SEC14L1: variants seen among roughly 807,000 people sequenced by gnomAD.
The protein encoded by SEC14L1 is SEC14-like protein 1.
In SEC14L1, 48 loss-of-function variants were observed where a neutral mutation model predicts 85.3. That is an observed-to-expected ratio of 0.56 (90% CI 0.45 to 0.72). The LOEUF (loss-of-function observed/expected upper bound fraction) is 0.72, where lower values mean the gene tolerates loss of function less well. SEC14L1 is among the 30% of genes least tolerant of loss of function. SEC14L1 has a pLI of 0.00. For synonymous variants in SEC14L1, 391 were observed against 355.5 expected, an observed-to-expected ratio of 1.10 and a Z score of -1.12; for missense variants, 682 against 921.4, an observed-to-expected ratio of 0.74 and a Z score of 3.36.
intron 3 of SEC14L1, among the ~76,000 whole-genome samples, chr17:77,161,225 G>A (rs780066031): frequency 6.6e-6 from 1 of 152,220 alleles, no homozygotes; most frequent in Admixed American, 6.5e-5. Context: ...GGTGGCTCAC[G>A]CCTATAATCC....
At chr17:77,164,302 T>A (rs1974195554) in intron 3 of SEC14L1, among the ~76,000 whole-genome samples, 2 of 152,224 alleles carry the variant, frequency 1.3e-5, no homozygotes, top group South Asian at 4.1e-4. Context: ...TTGCAGTCTT[T>A]GCTTTAAAAG....
At chr17:77,129,481 G>C (rs1001451150) in intron 3 of SEC14L1, among the ~76,000 whole-genome samples, 1 of 152,146 alleles carries the variant, frequency 6.6e-6, no homozygotes, top group Admixed American at 6.5e-5. Context: ...ACCTTCCCGG[G>C]CAGGGCTGTA....
intron 3 of SEC14L1, among the ~76,000 whole-genome samples, chr17:77,097,060 G>A (rs114548493): frequency 1.2e-3 from 179 of 152,238 alleles, no homozygotes; most frequent in African/African-American, 3.8e-3. Flanking sequence ...ACATTTCTCC[G>A]TTCCAATGTA....
chr17:77,152,077 G>A (rs1481565187), intron 3 of SEC14L1, among the ~76,000 whole-genome samples: 1 of 152,160 alleles, frequency 6.6e-6, no homozygotes, highest in Non-Finnish European at 1.5e-5. Flanking sequence ...CTGGGCTCAA[G>A]GAGCCCTGCC....
At position 77,191,246 on chromosome 17, in the gene SEC14L1, G is replaced by A. The variant is rs376407245; in HGVS notation, c.279G>A (p.Leu93=). ...KNSLNSRERT[L]HIEAYNETFS... is the part of the protein sequence containing the mutation. ...CACTGAATTCTCGGGAACGTACTTT[G>A]CACATTGAGGCTTATAATGAAACGT... The change falls in exon 5 of 17, where the codon TTG becomes TTA. Residue 93 remains leucine, a synonymous_variant. Coordinates refer to ENST00000436233, the MANE Select transcript of SEC14L1 (RefSeq NM_001143998.2). 5.0e-6 allele frequency: 8 copies of A among 1,613,466 alleles called. No homozygotes were observed. In the African/African-American group the frequency reaches 1.1e-4, roughly 22 times the overall value.
chr17:77,129,284 A>G (rs750333299), intron 3 of SEC14L1, among the ~76,000 whole-genome samples: 28 of 152,076 alleles, frequency 1.8e-4, no homozygotes, highest in Non-Finnish European at 4.0e-4. Flanking sequence ...TCAGCATCCA[A>G]TTAGTATTTT....
At chr17:77,168,804 A>G (rs11871056) in intron 3 of SEC14L1, among the ~76,000 whole-genome samples, 96,597 of 151,952 alleles carry the variant, frequency 0.64, 30,903 homozygotes, top group Middle Eastern at 0.73. Context: ...CATCGTCTGC[A>G]TAATTGACAA....
At chr17:77,176,047 T>C (rs1318468570) in intron 3 of SEC14L1, among the ~76,000 whole-genome samples, 1 of 152,068 alleles carries the variant, frequency 6.6e-6, no homozygotes, top group East Asian at 1.9e-4. Context: ...CCCAGCACTT[T>C]GGGAGGCCAG....
chr17:77,209,193 C>G (rs1976614397), intron 13 of SEC14L1, 149 bp from the exon 14 acceptor site: 2 of 810,558 alleles, frequency 2.5e-6, no homozygotes, highest in Non-Finnish European at 3.8e-6. Context: ...CTCAGTAGTG[C>G]AGAGTGTTTT....
intron 3 of SEC14L1, among the ~76,000 whole-genome samples, chr17:77,172,018 A>T (rs1199372909): frequency 5.9e-5 from 9 of 152,126 alleles, no homozygotes; most frequent in Non-Finnish European, 8.8e-5. Flanking sequence ...CAGAAGTTTA[A>T]TATTTACTGA....
chr17:77,172,980 T>C (rs1200687239), intron 3 of SEC14L1, among the ~76,000 whole-genome samples: 1 of 152,198 alleles, frequency 6.6e-6, no homozygotes, highest in East Asian at 1.9e-4. Flanking sequence ...CAAATTGTCA[T>C]AGCAGCCCTG....
intron 11 of SEC14L1, among the ~76,000 whole-genome samples, chr17:77,205,931 GGA>G (rs1976442925): frequency 6.6e-6 from 1 of 152,120 alleles, no homozygotes; most frequent in Admixed American, 6.6e-5. Context: ...AGCACGTCGA[GGA>G]CAGCACACTG....
chr17:77,113,620 C>A (rs1383650948), intron 3 of SEC14L1, among the ~76,000 whole-genome samples: 1 of 152,122 alleles, frequency 6.6e-6, no homozygotes, highest in Admixed American at 6.5e-5. Flanking sequence ...GTAGCACATG[C>A]CTGTAGACCC....
chr17:77,176,565 T>TA (rs1305753731), intron 3 of SEC14L1, among the ~76,000 whole-genome samples: 2 of 152,182 alleles, frequency 1.3e-5, no homozygotes, highest in Non-Finnish European at 2.9e-5. Context: ...GGATGTCTCT[T>TA]ACACAATAAT....
Position 77,215,647 on chromosome 17 carries a change from C to G in SEC14L1, c.*1624C>G. The G allele has an allele frequency of 1.0e-6, 1 of 991,350 alleles. No homozygotes were observed. The highest frequency in any genetic ancestry group is 1.2e-6 in the Non-Finnish European group (1 of 832,622). The allele number at this position is 991,350 out of a possible 1,614,324, so 61.4% of individuals were successfully genotyped here. On this transcript the variant is annotated 3_prime_UTR_variant, in exon 17 of 17. Transcript: ENST00000436233. ...GCTGTGATCACCTGCCTTTGGACCA[C>G]ATTTGTGTTTGCTCTTAGAGATCGA...
chr17:77,207,957 C>G (rs1184138299), intron 13 of SEC14L1, among the ~76,000 whole-genome samples: 1 of 152,128 alleles, frequency 6.6e-6, no homozygotes, highest in African/African-American at 2.4e-5. Flanking sequence ...GAAGCCAGAG[C>G]CTCTAGAAGT....
At chr17:77,158,765 T>G (rs146549767) in intron 3 of SEC14L1, among the ~76,000 whole-genome samples, 2,149 of 150,934 alleles carry the variant, frequency 0.014, 50 homozygotes, top group Admixed American at 0.04. Context: ...TATACATTTT[T>G]AAAGTTTCAA....
In SEC14L1 at chr17:77,196,186, G is replaced by T. The variant is rs755104451; in HGVS notation, c.710-16G>T. 6.3e-7 allele frequency: 1 copy of T among 1,585,386 alleles called. No homozygotes were observed. Among genetic ancestry groups the T allele is most frequent in the Non-Finnish European group, 8.7e-7 (1 of 1,154,156 alleles). On this transcript the variant is annotated splice_polypyrimidine_tract_variant and intron_variant, in intron 7 of 16. Coordinates refer to ENST00000436233, the MANE Select transcript of SEC14L1 (RefSeq NM_001143998.2). ...CCAGTGTTCTTTGTTGTAAATAAAT[G>T]TCACTTACATTCCAGACAAACTAGA...
chr17:77,124,120 T>C (rs1007543318), intron 3 of SEC14L1, among the ~76,000 whole-genome samples: 1 of 152,020 alleles, frequency 6.6e-6, no homozygotes, highest in African/African-American at 2.4e-5. Context: ...TCCTAACACT[T>C]TGGGAGGCCA....
Sources: gnomAD v4.1 joint callset for allele counts (sites outside exome capture counted in the v4.1 genomes callset) on GRCh38, gnomAD v4.1.1 for gene constraint, MANE v1.5 for transcripts, NCBI Gene and HGNC (gene_info 2026-07-23, HGNC 2026-07-21) for gene names.